The following DLG1 variants were observed in gnomAD, a reference collection of about 807,000 sequenced individuals.
DLG1 encodes disks large homolog 1.
DLG1 carries 42 observed loss-of-function variants against 123.4 expected under a neutral mutation model. The observed-to-expected ratio is 0.34, with a 90% confidence interval of 0.27 to 0.44. The LOEUF (loss-of-function observed/expected upper bound fraction) is 0.44. Among genes scored for constraint, DLG1 ranks in the 20% least tolerant of loss-of-function variants. DLG1 has a pLI of 1.00. For synonymous variants in DLG1, 317 were observed against 356.2 expected (o/e 0.89, Z 1.24); for missense variants, 942 against 1,082.6 (o/e 0.87, Z 1.82).
intron 4 of DLG1, among the ~76,000 whole-genome samples, chr3:197,219,146 A>G (rs548276973): frequency 1.2e-3 from 187 of 152,218 alleles, no homozygotes; most frequent in African/African-American, 4.2e-3. Context: ...AAAAGAAGAA[A>G]AAAAAAAGAA....
chr3:197,064,219 G>A (rs1445714904), intron 22 of DLG1, among the ~76,000 whole-genome samples: 1 of 145,462 alleles, frequency 6.9e-6, no homozygotes, highest in African/African-American at 2.6e-5. Context: ...TTGAGGCAGA[G>A]TTTCACTCTT....
chr3:197,140,049 G>T, intron 8 of DLG1, 91 bp downstream of exon 8: 1 of 1,406,064 alleles, frequency 7.1e-7, no homozygotes, highest in Non-Finnish European at 9.7e-7. Context: ...TCATGATCGT[G>T]TTTGTTATTT....
chr3:197,117,066 T>C (rs188268041), intron 12 of DLG1, among the ~76,000 whole-genome samples: 63 of 152,264 alleles, frequency 4.1e-4, no homozygotes, highest in African/African-American at 1.3e-3. Context: ...GATTTTCAAA[T>C]AATGTAAGCA....
intron 23 of DLG1, among the ~76,000 whole-genome samples, chr3:197,056,821 CA>C (rs1218162882): frequency 6.6e-6 from 1 of 152,176 alleles, no homozygotes; most frequent in Non-Finnish European, 1.5e-5. Flanking sequence ...CTCTAGTCAC[CA>C]ACCCATTCTT....
intron 4 of DLG1, among the ~76,000 whole-genome samples, chr3:197,243,900 G>T (rs1750262409): frequency 6.6e-6 from 1 of 152,180 alleles, no homozygotes; most frequent in Non-Finnish European, 1.5e-5. Context: ...ACCCACGAGG[G>T]ACATCTCTTG....
chr3:197,122,492 T>C (rs1479342107), intron 11 of DLG1, among the ~76,000 whole-genome samples: 2 of 151,978 alleles, frequency 1.3e-5, no homozygotes, highest in Admixed American at 6.6e-5. Context: ...AGTATAAAGA[T>C]AGGAAAGAAG....
intron 4 of DLG1, among the ~76,000 whole-genome samples, chr3:197,249,290 T>A (rs1252315267): frequency 6.6e-6 from 1 of 151,862 alleles, no homozygotes; most frequent in African/African-American, 2.4e-5. Context: ...GCCAACAAAT[T>A]TAAAAACTAG....
intron 4 of DLG1, among the ~76,000 whole-genome samples, chr3:197,276,701 ATAATT>A (rs988372420): frequency 1.3e-5 from 2 of 152,234 alleles, no homozygotes; most frequent in Non-Finnish European, 2.9e-5. Context: ...ATCCTAATAT[ATAATT>A]TATCTTTGTA....
chr3:197,267,334 T>C (rs1294917300), intron 4 of DLG1, among the ~76,000 whole-genome samples: 1 of 152,228 alleles, frequency 6.6e-6, no homozygotes, highest in African/African-American at 2.4e-5. Flanking sequence ...GAACAGCTTC[T>C]GTTTTGCCCT....
At chr3:197,148,562 G>A (rs1792292645) in intron 6 of DLG1, among the ~76,000 whole-genome samples, 1 of 152,026 alleles carries the variant, frequency 6.6e-6, no homozygotes, top group Non-Finnish European at 1.5e-5. Flanking sequence ...TTTCTATATG[G>A]TTGCCAAGAC....
intron 5 of DLG1, among the ~76,000 whole-genome samples, chr3:197,177,059 A>G (rs919991745): frequency 4.6e-5 from 7 of 152,138 alleles, no homozygotes; most frequent in Non-Finnish European, 8.8e-5. Flanking sequence ...GAGTCAGTAC[A>G]TGTAGGTGCA....
chr3:197,185,137 A>G (rs1306583405), intron 5 of DLG1, among the ~76,000 whole-genome samples: 2 of 152,214 alleles, frequency 1.3e-5, no homozygotes, highest in African/African-American at 4.8e-5. Context: ...ATAATTTACT[A>G]TTGGTTGAAT....
intron 24 of DLG1, among the ~76,000 whole-genome samples, chr3:197,050,512 A>C (rs553477595): frequency 6.6e-6 from 1 of 152,362 alleles, no homozygotes; most frequent in African/African-American, 2.4e-5. Flanking sequence ...TGAAAATCCT[A>C]TCATCTGCAA....
chr3:197,067,028 C>T (rs910434354), intron 19 of DLG1, among the ~76,000 whole-genome samples: 3 of 151,946 alleles, frequency 2.0e-5, no homozygotes, highest in African/African-American at 7.2e-5. Flanking sequence ...ATTTGTGATG[C>T]TATGTGCTAC....
intron 3 of DLG1, among the ~76,000 whole-genome samples, chr3:197,287,160 CA>C (rs1322798669): frequency 6.6e-6 from 1 of 152,008 alleles, no homozygotes; most frequent in Admixed American, 6.6e-5. Context: ...GTTGAGCCAC[CA>C]CACATGGCCT....
chr3:197,181,168 T>C (rs2150132275), intron 5 of DLG1, among the ~76,000 whole-genome samples: 1 of 152,204 alleles, frequency 6.6e-6, no homozygotes, highest in African/African-American at 2.4e-5. Flanking sequence ...TTTGGGGGGA[T>C]ATTAAATCAG....
chr3:197,166,694 A>G (rs1801604305), intron 5 of DLG1, among the ~76,000 whole-genome samples: 1 of 152,182 alleles, frequency 6.6e-6, no homozygotes, highest in African/African-American at 2.4e-5. Flanking sequence ...GTTTGAGACC[A>G]GCCTGGCCAA....
At chr3:197,128,837 GT>G (rs369511144) in intron 11 of DLG1, among the ~76,000 whole-genome samples, 9 of 147,976 alleles carry the variant, frequency 6.1e-5, no homozygotes, top group African/African-American at 7.4e-5. Context: ...TGAAAGGAGT[GT>G]TTTTTTTTTG....
Position 197,050,436 on chromosome 3 carries a change from A to G in DLG1, c.2575+1141T>C, listed in dbSNP as rs142146120. ...CAAACAACAACAAATATATATATAT[A>G]TGTATGTATGTATGCATGCATATGG... On this transcript the variant is annotated intron_variant, in intron 24 of 24. Transcript: ENST00000667157. Among the ~76,000 whole-genome samples, 36 of 152,194 alleles carry G rather than the reference A, an allele frequency of 2.4e-4. No individual in the cohort carries two copies. In the East Asian group the frequency reaches 6.6e-3, roughly 28 times the overall value.
Sources: gnomAD v4.1 joint callset for allele counts (sites outside exome capture counted in the v4.1 genomes callset) on GRCh38, gnomAD v4.1.1 for gene constraint, MANE v1.5 for transcripts, NCBI Gene and HGNC (gene_info 2026-07-23, HGNC 2026-07-21) for gene names.